KIFAP3: variants seen among roughly 807,000 people sequenced by gnomAD.
KIFAP3 encodes kinesin associated protein 3.
In KIFAP3, 68 loss-of-function variants were observed where a neutral mutation model predicts 106.5. That is an observed-to-expected ratio of 0.64 (90% CI 0.53 to 0.78). KIFAP3 has a LOEUF of 0.78. Ranked by LOEUF, KIFAP3 falls within the 30% of genes least tolerant of loss-of-function variation. KIFAP3 has a pLI of 0.00. For missense variants in KIFAP3, 780 were observed against 941.8 expected (o/e 0.83, Z 2.25); for synonymous variants, 320 against 311.5 (o/e 1.03, Z -0.29).
intron 1 of KIFAP3, among the ~76,000 whole-genome samples, chr1:170,081,186 A>G (rs747689548): frequency 8.5e-5 from 13 of 152,224 alleles, no homozygotes; most frequent in Non-Finnish European, 1.6e-4. Flanking sequence ...AAAGAGAACT[A>G]TTACAAGTCA....
intron 1 of KIFAP3, among the ~76,000 whole-genome samples, chr1:170,063,019 T>A (rs1275021922): frequency 2.0e-5 from 3 of 152,138 alleles, no homozygotes; most frequent in Non-Finnish European, 4.4e-5. Context: ...CCTGCCTCTA[T>A]CGACTCTAAA....
At chr1:170,002,790 A>G (rs545795660) in intron 10 of KIFAP3, among the ~76,000 whole-genome samples, 75 of 152,330 alleles carry the variant, frequency 4.9e-4, no homozygotes, top group African/African-American at 1.6e-3. Context: ...CCAGATGAAT[A>G]TTCACTTATT....
intron 1 of KIFAP3, among the ~76,000 whole-genome samples, chr1:170,072,207 T>C (rs1188480409): frequency 6.6e-6 from 1 of 152,210 alleles, no homozygotes; most frequent in African/African-American, 2.4e-5. Flanking sequence ...TTAAGTCCCA[T>C]ATGATTTGGC....
chr1:169,928,218 G>T (rs1354025930), intron 19 of KIFAP3, among the ~76,000 whole-genome samples: 1 of 151,712 alleles, frequency 6.6e-6, no homozygotes, highest in Non-Finnish European at 1.5e-5. Flanking sequence ...TCCTGCCTCA[G>T]CCTCCAAATT....
chr1:169,948,297 A>G (rs1664548572), intron 19 of KIFAP3, among the ~76,000 whole-genome samples: 1 of 151,888 alleles, frequency 6.6e-6, no homozygotes, highest in Admixed American at 6.6e-5. Context: ...TGTCTGCTTT[A>G]TTTTGTAAAC....
chr1:170,080,918 A>C (rs923439073), intron 1 of KIFAP3, among the ~76,000 whole-genome samples: 4 of 152,158 alleles, frequency 2.6e-5, no homozygotes, highest in Non-Finnish European at 1.5e-5. Flanking sequence ...TAGAAACTGC[A>C]TCTCCCTTTG....
intron 2 of KIFAP3, among the ~76,000 whole-genome samples, chr1:170,051,597 A>G (rs1167475180): frequency 6.6e-6 from 1 of 152,214 alleles, no homozygotes; most frequent in Non-Finnish European, 1.5e-5. Context: ...ATTGGGAGTA[A>G]AACAATCCTC....
chr1:169,940,872 A>G (rs1037582671), intron 19 of KIFAP3, among the ~76,000 whole-genome samples: 4 of 151,984 alleles, frequency 2.6e-5, no homozygotes, highest in Non-Finnish European at 5.9e-5. Context: ...CATGTCCCCA[A>G]AACAAATTCT....
At chr1:169,938,531 T>C (rs1431829999) in intron 19 of KIFAP3, among the ~76,000 whole-genome samples, 1 of 152,066 alleles carries the variant, frequency 6.6e-6, no homozygotes, top group Non-Finnish European at 1.5e-5. Flanking sequence ...TGAAACAGCA[T>C]GGGAAATGGA....
At chr1:169,989,966 T>G in intron 11 of KIFAP3, 1 of 1,278,616 alleles carries the variant, frequency 7.8e-7, no homozygotes. Flanking sequence ...AATTATGTAG[T>G]AGGAGTCAAG....
chr1:170,019,167 A>G (rs1026497714), intron 9 of KIFAP3, among the ~76,000 whole-genome samples: 8 of 152,260 alleles, frequency 5.3e-5, no homozygotes, highest in African/African-American at 1.4e-4. Context: ...GAAACAACCT[A>G]AACAGTCCTG....
intron 1 of KIFAP3, among the ~76,000 whole-genome samples, chr1:170,082,576 T>G (rs1238879693): frequency 2.0e-5 from 3 of 152,262 alleles, no homozygotes; most frequent in African/African-American, 7.2e-5. Flanking sequence ...TAAATTATAC[T>G]TTCTCTTTGT....
chr1:170,063,694 A>G (rs1671295467), intron 1 of KIFAP3, among the ~76,000 whole-genome samples: 1 of 152,088 alleles, frequency 6.6e-6, no homozygotes, highest in Non-Finnish European at 1.5e-5. Flanking sequence ...TTTTCATTTT[A>G]TTCAGTTGGT....
intron 9 of KIFAP3, 121 bp from the exon 10 acceptor site, chr1:170,016,745 C>T (rs1352892967): frequency 5.4e-6 from 3 of 554,266 alleles, no homozygotes; most frequent in Non-Finnish European, 8.8e-6. Flanking sequence ...ATATGTTAAT[C>T]TTATACTCCA....
At chr1:169,949,716 C>A (rs1558188524) in intron 19 of KIFAP3, among the ~76,000 whole-genome samples, 1 of 151,988 alleles carries the variant, frequency 6.6e-6, no homozygotes. Context: ...AACACCAGTT[C>A]AGATTTTGGG....
At chr1:170,038,672 T>C (rs1326139217) in intron 4 of KIFAP3, among the ~76,000 whole-genome samples, 1 of 152,254 alleles carries the variant, frequency 6.6e-6, no homozygotes, top group Non-Finnish European at 1.5e-5. Flanking sequence ...ATATAAAGTA[T>C]CTTAAATGTA....
chr1:170,074,165 C>T (rs1485597333), intron 1 of KIFAP3, among the ~76,000 whole-genome samples: 2 of 152,074 alleles, frequency 1.3e-5, no homozygotes, highest in Non-Finnish European at 2.9e-5. Flanking sequence ...TGCCCTACCT[C>T]CCTCTCCCCC....
At chr1:169,991,155 G>GA (rs1242068215) in intron 11 of KIFAP3, among the ~76,000 whole-genome samples, 6 of 151,930 alleles carry the variant, frequency 3.9e-5, no homozygotes, top group Admixed American at 2.6e-4. Context: ...TCCTGGGCAA[G>GA]AAAGCCAGAC....
At chr1:170,000,036 T>C (rs1393617214) in intron 10 of KIFAP3, among the ~76,000 whole-genome samples, 3 of 152,138 alleles carry the variant, frequency 2.0e-5, no homozygotes, top group African/African-American at 7.2e-5. Context: ...TTTTGAATTT[T>C]AAAATGTCTT....
Sources: allele counts gnomAD v4.1 joint callset (sites outside exome capture counted in the v4.1 genomes callset), GRCh38; gene constraint gnomAD v4.1.1; transcripts MANE v1.5; gene names NCBI Gene and HGNC (gene_info 2026-07-23, HGNC 2026-07-21).